Variants in TTBK2 observed in about 807,000 individuals in gnomAD.
TTBK2 encodes the protein tau-tubulin kinase 2.
TTBK2 carries 28 observed loss-of-function variants against 110.8 expected under a neutral mutation model. That is an observed-to-expected ratio of 0.25 (90% confidence interval 0.19 to 0.35). The LOEUF is 0.35. Ranked by LOEUF, TTBK2 falls within the 10% of genes least tolerant of loss-of-function variation. The pLI, the probability that TTBK2 is intolerant of heterozygous loss-of-function variation, is 1.00. For missense variants in TTBK2, 1,369 were observed against 1,500.3 expected (o/e 0.91, Z 1.45); for synonymous variants, 532 against 527.3 (o/e 1.01, Z -0.12).
At chr15:42,894,707 TACCATC>T (rs1435708316) in intron 1 of TTBK2, among the ~76,000 whole-genome samples, 1 of 152,140 alleles carries the variant, frequency 6.6e-6, no homozygotes, top group Non-Finnish European at 1.5e-5. Flanking sequence ...TAAGCCAAGA[TACCATC>T]ACTGCACTCC....
In TTBK2 at chr15:42,740,323, G is replaced by A. The variant is rs1057197686; in HGVS notation, c.*5472C>T. 1 of 152,158 alleles carries A rather than the reference G, an allele frequency of 6.6e-6. No individual in the cohort carries two copies. The highest frequency in any genetic ancestry group is 2.4e-5 in the African/African-American group (1 of 41,432). The allele number at this position is 152,158 out of a possible 1,614,324, so 9.4% of individuals were successfully genotyped here. A position where few individuals can be genotyped will look rare whatever the true frequency, so the allele number is the denominator to read the frequency against. Reference sequence around the variant, plus strand: ...GACCAAAGATCCAGCAAAGTCTAAGGAAATATCCTAATCATTACTGTGTAA... The same window carrying A: ...GACCAAAGATCCAGCAAAGTCTAAGAAAATATCCTAATCATTACTGTGTAA... On this transcript the variant is annotated 3_prime_UTR_variant, in exon 15 of 15. Coordinates refer to ENST00000267890, the MANE Select transcript of TTBK2 (RefSeq NM_173500.4).
chr15:42,832,589 G>A (rs192637669), intron 4 of TTBK2, among the ~76,000 whole-genome samples: 8 of 152,202 alleles, frequency 5.3e-5, no homozygotes, highest in Non-Finnish European at 1.0e-4. Flanking sequence ...TTTATCCATG[G>A]TTTTACTTTG....
intron 3 of TTBK2, among the ~76,000 whole-genome samples, chr15:42,863,563 T>C (rs578240745): frequency 7.2e-5 from 11 of 151,874 alleles, no homozygotes; most frequent in African/African-American, 2.7e-4. Flanking sequence ...TTTCACAGAA[T>C]TAGAAAAAAA....
chr15:42,811,834 T>A, intron 7 of TTBK2, 54 bp from the exon 8 acceptor site: 1 of 1,530,906 alleles, frequency 6.5e-7, no homozygotes. Context: ...GTGAGTACAT[T>A]ACATTGTTCA....
chr15:42,891,029 C>T (rs535646865), intron 1 of TTBK2, among the ~76,000 whole-genome samples: 5 of 151,944 alleles, frequency 3.3e-5, no homozygotes, highest in East Asian at 1.9e-4. Context: ...CCACCACGCC[C>T]GGCTAATTTT....
rs891132561 is a variant in TTBK2, at chr15:42,810,548, A to G, written c.822+66T>C. The G allele has an allele frequency of 2.7e-5, 43 of 1,596,356 alleles. No homozygotes were observed. In the African/African-American group the frequency reaches 5.6e-4, roughly 21 times the overall value. On this transcript the variant is annotated intron_variant, in intron 9 of 14. Coordinates refer to ENST00000267890, the MANE Select transcript of TTBK2 (RefSeq NM_173500.4). ...ACTCATTTATAACACCTTCAAAGCT[A>G]CAATGAGTGAAAGCATAGACTAAGA...
At chr15:42,769,897 T>C (rs1167851261) in intron 13 of TTBK2, among the ~76,000 whole-genome samples, 3 of 152,108 alleles carry the variant, frequency 2.0e-5, no homozygotes, top group Non-Finnish European at 4.4e-5. Context: ...ATGTGGCACA[T>C]ATACACCACG....
intron 11 of TTBK2, among the ~76,000 whole-genome samples, chr15:42,778,198 T>C (rs1890014635): frequency 1.3e-5 from 2 of 151,282 alleles, no homozygotes; most frequent in South Asian, 2.1e-4. Flanking sequence ...ATAAAGGTTA[T>C]TATAACAAAG....
Position 42,846,846 on chromosome 15 carries a change from T to C in TTBK2, c.218-6413A>G, listed in dbSNP as rs564706659. ...GTGGGAGGGGCTAGAGATTAAGCTC[T>C]ATAAAGACTCTTGAACAATGAGATG... On this transcript the variant is annotated intron_variant, in intron 3 of 14. Transcript: ENST00000267890. 5.9e-5 allele frequency among the ~76,000 whole-genome samples: 9 copies of C among 152,250 alleles called. No individual in the cohort carries two copies. The South Asian group carries it at 1.2e-3, about 21-fold the overall frequency.
chr15:42,814,358 T>A (rs1190158971), intron 7 of TTBK2, among the ~76,000 whole-genome samples: 1 of 152,166 alleles, frequency 6.6e-6, no homozygotes, highest in Non-Finnish European at 1.5e-5. Context: ...GCTAGAAGAC[T>A]GCTTGAGGCC....
At chr15:42,776,515 T>C (rs1889930549) in intron 12 of TTBK2, among the ~76,000 whole-genome samples, 1 of 152,208 alleles carries the variant, frequency 6.6e-6, no homozygotes, top group Admixed American at 6.5e-5. Context: ...GATTGCAAAC[T>C]CTCGAGGGCA....
chr15:42,821,691 T>TG (rs1892305316), intron 6 of TTBK2, among the ~76,000 whole-genome samples: 1 of 128,062 alleles, frequency 7.8e-6, no homozygotes, highest in African/African-American at 3.5e-5. Context: ...TTTTTGTTTT[T>TG]TTTTTGTTTT....
In TTBK2 at chr15:42,830,022, A is replaced by G; in HGVS notation, c.348T>C (p.Ser116=). The G allele has an allele frequency of 1.2e-5, 20 of 1,614,192 alleles. No homozygotes were observed. The highest frequency in any genetic ancestry group is 1.7e-5 in the Non-Finnish European group (20 of 1,180,036). Reference sequence around the variant, plus strand: ...TCTGTCTACCCAGCCGGAGAGTGGTACTAATGGTGAATGTGCCTCGGGACT... The same window carrying G: ...TCTGTCTACCCAGCCGGAGAGTGGTGCTAATGGTGAATGTGCCTCGGGACT... ...RSQSRGTFTI[S]TTLRLGRQIL... is the part of the protein sequence containing the mutation. Residue 116 remains serine, a synonymous_variant, in exon 5 of 15, where the codon AGT becomes AGC. Transcript: ENST00000267890.
intron 14 of TTBK2, 38 bp from the exon 15 acceptor site, chr15:42,746,295 C>T (rs757938427): frequency 6.7e-6 from 10 of 1,501,228 alleles, no homozygotes; most frequent in Non-Finnish European, 9.1e-6. Context: ...AATTTTAATT[C>T]ATTTCAAGTG....
intron 3 of TTBK2, among the ~76,000 whole-genome samples, chr15:42,851,466 A>C (rs1893709021): frequency 6.6e-6 from 1 of 152,144 alleles, no homozygotes; most frequent in African/African-American, 2.4e-5. Context: ...ACTGTTTAGT[A>C]TGTTAGAAGG....
intron 5 of TTBK2, among the ~76,000 whole-genome samples, chr15:42,829,149 C>A (rs998701177): frequency 6.6e-6 from 1 of 152,014 alleles, no homozygotes; most frequent in Non-Finnish European, 1.5e-5. Flanking sequence ...TTCAACTGTA[C>A]CAACATATGA....
At chr15:42,814,847 T>C (rs1219374263) in intron 7 of TTBK2, among the ~76,000 whole-genome samples, 1 of 152,164 alleles carries the variant, frequency 6.6e-6, no homozygotes, top group Non-Finnish European at 1.5e-5. Flanking sequence ...AGAACCACTG[T>C]TATATACTAT....
intron 3 of TTBK2, among the ~76,000 whole-genome samples, chr15:42,852,462 T>C (rs748911620): frequency 1.3e-5 from 2 of 152,188 alleles, no homozygotes; most frequent in Non-Finnish European, 2.9e-5. Flanking sequence ...TAAAATATCT[T>C]CTCCTTTTCT....
At chr15:42,783,286 CAT>C (rs915834545) in intron 11 of TTBK2, 131 bp downstream of exon 11, 11 of 803,716 alleles carry the variant, frequency 1.4e-5, no homozygotes, top group African/African-American at 1.2e-4. Flanking sequence ...CCATCTACCA[CAT>C]GAGGACTCAG....
Sources: allele counts gnomAD v4.1 joint callset (sites outside exome capture counted in the v4.1 genomes callset), GRCh38; gene constraint gnomAD v4.1.1; transcripts MANE v1.5; gene names NCBI Gene and HGNC (gene_info 2026-07-23, HGNC 2026-07-21).